KLF12: variants seen among roughly 807,000 people sequenced by gnomAD.
KLF12 encodes Krueppel-like factor 12.
A neutral mutation model predicts 37.8 loss-of-function variants in KLF12; 9 were observed. The ratio of observed to expected loss-of-function variants is 0.24; its 90% CI spans 0.14 to 0.42. The LOEUF (loss-of-function observed/expected upper bound fraction) is 0.42. KLF12 is among the 10% of genes least tolerant of loss of function. The pLI, the probability that KLF12 is intolerant of heterozygous loss-of-function variation, is 1.00. For synonymous variants in KLF12, 208 were observed against 202.1 expected (o/e 1.03, Z -0.25); for missense variants, 411 against 516.0 (o/e 0.80, Z 1.97).
intron 2 of KLF12, among the ~76,000 whole-genome samples, chr13:73,993,058 C>G (rs1247342272): frequency 6.6e-6 from 1 of 152,160 alleles, no homozygotes; most frequent in Non-Finnish European, 1.5e-5. Context: ...GCGGTGAAAC[C>G]CTGTCTCTAC....
intron 1 of KLF12, among the ~76,000 whole-genome samples, chr13:74,116,103 A>G (rs1877288291): frequency 6.6e-6 from 1 of 152,236 alleles, no homozygotes; most frequent in African/African-American, 2.4e-5. Context: ...AAAAATGAGG[A>G]AAAGTGGAAA....
chr13:74,255,150 A>G, the KLF12 span, among the ~76,000 whole-genome samples: 1 of 152,214 alleles, frequency 6.6e-6, no homozygotes, highest in African/African-American at 2.4e-5. Flanking sequence ...TAGTAAACTA[A>G]TACTTTAAGG....
chr13:74,179,900 T>C, the KLF12 span, among the ~76,000 whole-genome samples: 1 of 152,338 alleles, frequency 6.6e-6, no homozygotes, highest in East Asian at 1.9e-4. Context: ...CATAATTAAC[T>C]TGTACTTAAA....
chr13:73,764,201 T>C lies in KLF12; in HGVS notation c.869+737A>G, dbSNP rs556397469. Among the ~76,000 whole-genome samples, 5 of 152,294 alleles carry C rather than the reference T, an allele frequency of 3.3e-5. No homozygotes were observed. The South Asian group carries it at 8.3e-4, about 25-fold the overall frequency. ...AAGTAATACAGCCACAGTTCATTTT[T>C]TTCTTTTTAGTTTTTCTTTTTTTTC... On this transcript the variant is annotated intron_variant, in intron 6 of 7. Transcript: ENST00000377669.
intron 1 of KLF12, among the ~76,000 whole-genome samples, chr13:74,078,963 C>T (rs528601515): frequency 1.3e-5 from 2 of 152,216 alleles, no homozygotes; most frequent in Admixed American, 6.5e-5. Flanking sequence ...AATGCCAAAT[C>T]GCCTTCAGAG....
At chr13:73,904,164 G>C (rs761138969) in intron 3 of KLF12, among the ~76,000 whole-genome samples, 3 of 152,114 alleles carry the variant, frequency 2.0e-5, no homozygotes. Flanking sequence ...ATAGGCAATC[G>C]TGACTTTCAG....
At chr13:74,241,458 G>A in the KLF12 span, among the ~76,000 whole-genome samples, 2 of 152,210 alleles carry the variant, frequency 1.3e-5, no homozygotes, top group Non-Finnish European at 2.9e-5. Flanking sequence ...TCCTTGAGCT[G>A]TGGTGGGCTC....
chr13:74,010,756 T>C lies in KLF12; in HGVS notation c.-31-15703A>G, dbSNP rs573985446. The stretch of plus-strand genomic sequence containing the variant: ...AACCTCTCTGGGTAGTCTATAATCT[T>C]AAATTATGCTAATTTAAGAAAGCAG... On this transcript the variant is annotated intron_variant, in intron 1 of 7. Coordinates refer to ENST00000377669, the MANE Select transcript of KLF12 (RefSeq NM_007249.5). Among the ~76,000 whole-genome samples the C allele has an allele frequency of 1.4e-4, 21 of 152,334 alleles. No individual in the cohort carries two copies. In the South Asian group the frequency reaches 4.4e-3, roughly 32 times the overall value.
chr13:73,707,051 C>T (rs971617531), intron 7 of KLF12, among the ~76,000 whole-genome samples: 2 of 152,170 alleles, frequency 1.3e-5, no homozygotes, highest in Admixed American at 1.3e-4. Context: ...TGATGCTGAA[C>T]AGGTAGGTAC....
the KLF12 span, among the ~76,000 whole-genome samples, chr13:74,163,620 A>T: frequency 1.3e-5 from 2 of 152,168 alleles, no homozygotes; most frequent in East Asian, 3.8e-4. Flanking sequence ...GTTAATGGGT[A>T]CAAAAAATGA....
intron 3 of KLF12, among the ~76,000 whole-genome samples, chr13:73,904,163 C>T (rs957581166): frequency 1.3e-5 from 2 of 152,140 alleles, no homozygotes; most frequent in African/African-American, 4.8e-5. Flanking sequence ...AATAGGCAAT[C>T]GTGACTTTCA....
the KLF12 span, among the ~76,000 whole-genome samples, chr13:74,213,795 C>T: frequency 6.6e-6 from 1 of 152,086 alleles, no homozygotes; most frequent in African/African-American, 2.4e-5. Flanking sequence ...TATCCTAGTC[C>T]TGTGTTCCCT....
At chr13:73,948,089 C>A (rs896519402) in intron 2 of KLF12, among the ~76,000 whole-genome samples, 1 of 152,170 alleles carries the variant, frequency 6.6e-6, no homozygotes, top group Non-Finnish European at 1.5e-5. Flanking sequence ...TAAATCTTCA[C>A]GTTCAGCTAC....
At chr13:73,963,520 G>C (rs751130099) in intron 2 of KLF12, among the ~76,000 whole-genome samples, 1 of 152,098 alleles carries the variant, frequency 6.6e-6, no homozygotes, top group South Asian at 2.1e-4. Flanking sequence ...AATGGTTTTA[G>C]GTTTTACTAC....
At chr13:74,092,099 C>A (rs1196081927) in intron 1 of KLF12, among the ~76,000 whole-genome samples, 1 of 150,708 alleles carries the variant, frequency 6.6e-6, no homozygotes, top group African/African-American at 2.4e-5. Flanking sequence ...ACCATCCTGG[C>A]TAACACGGTG....
At chr13:74,043,382 G>A (rs1035111353) in intron 1 of KLF12, among the ~76,000 whole-genome samples, 1 of 152,232 alleles carries the variant, frequency 6.6e-6, no homozygotes, top group Non-Finnish European at 1.5e-5. Context: ...CAGGAGTAAC[G>A]AAACTAAGAC....
chr13:73,953,808 A>G (rs1022402117), intron 2 of KLF12, among the ~76,000 whole-genome samples: 1 of 152,206 alleles, frequency 6.6e-6, no homozygotes, highest in Admixed American at 6.5e-5. Flanking sequence ...GAAAAATAAA[A>G]GAATGTATAG....
the KLF12 span, chr13:74,288,959 G>A: frequency 2.6e-5 from 4 of 152,244 alleles, no homozygotes; most frequent in Non-Finnish European, 5.9e-5. Context: ...TTAAGGAATA[G>A]CAGTGATGAA....
At chr13:73,968,206 A>C (rs1395007684) in intron 2 of KLF12, among the ~76,000 whole-genome samples, 1 of 152,170 alleles carries the variant, frequency 6.6e-6, no homozygotes, top group African/African-American at 2.4e-5. Context: ...GCTGCTTCTC[A>C]TCTGTTGTAG....
Sources: allele counts gnomAD v4.1 joint callset (sites outside exome capture counted in the v4.1 genomes callset), GRCh38; gene constraint gnomAD v4.1.1; transcripts MANE v1.5; gene names NCBI Gene and HGNC (gene_info 2026-07-23, HGNC 2026-07-21).